The following CNTN4 variants were observed in gnomAD, a reference collection of about 807,000 sequenced individuals.
CNTN4 encodes contactin 4.
CNTN4 carries 77 observed loss-of-function variants against 122.5 expected under a neutral mutation model. That is an observed-to-expected ratio of 0.63 (90% CI 0.52 to 0.76). The LOEUF (loss-of-function observed/expected upper bound fraction) is 0.76. Ranked by LOEUF, CNTN4 falls within the 30% of genes least tolerant of loss-of-function variation. The pLI is 0.00. For missense variants in CNTN4, 1,256 were observed against 1,259.1 expected (o/e 1.00, Z 0.04); for synonymous variants, 512 against 447.0 (o/e 1.15, Z -1.83).
At chr3:2,929,100 T>G (rs1185077128) in intron 13 of CNTN4, among the ~76,000 whole-genome samples, 1 of 152,200 alleles carries the variant, frequency 6.6e-6, no homozygotes, top group Non-Finnish European at 1.5e-5. Context: ...AAGCAGAATA[T>G]CCATAAACAT....
At chr3:2,290,855 C>T (rs938675647) in intron 2 of CNTN4, among the ~76,000 whole-genome samples, 3 of 151,884 alleles carry the variant, frequency 2.0e-5, no homozygotes, top group Admixed American at 6.6e-5. Context: ...ACAGAAACTT[C>T]GGGTCTGAAC....
At chr3:2,334,064 C>A (rs534607908) in intron 2 of CNTN4, among the ~76,000 whole-genome samples, 8 of 152,292 alleles carry the variant, frequency 5.3e-5, no homozygotes, top group African/African-American at 1.4e-4. Context: ...TCTTACCTCT[C>A]ACTTTAGGCT....
intron 14 of CNTN4, among the ~76,000 whole-genome samples, chr3:3,017,875 G>A (rs995704591): frequency 6.6e-6 from 1 of 152,170 alleles, no homozygotes; most frequent in Non-Finnish European, 1.5e-5. Flanking sequence ...TTCAAAAGTA[G>A]CAATAACGGA....
At chr3:2,569,242 C>T (rs2079314079) in intron 3 of CNTN4, among the ~76,000 whole-genome samples, 1 of 152,148 alleles carries the variant, frequency 6.6e-6, no homozygotes. Flanking sequence ...TCTAATGATG[C>T]TTGTTCATTT....
chr3:3,040,908 C>G lies in CNTN4; in HGVS notation c.2398+637C>G, dbSNP rs1184122469. ...CACCACTGCACTCCAGCCTGGGCAA[C>G]AAGAGCAAAACTCCATCTCAAAAAA... On this transcript the variant is annotated intron_variant, in intron 20 of 24. Coordinates refer to ENST00000418658, the MANE Select transcript of CNTN4 (RefSeq NM_175607.3). The G allele has an allele frequency of 3.5e-5, 5 of 144,040 alleles. No individual in the cohort carries two copies. The South Asian group carries it at 1.1e-3, about 32-fold the overall frequency. 8.9% of individuals were successfully genotyped at this position (144,040 alleles called of 1,614,324 possible). A position where few individuals can be genotyped will look rare whatever the true frequency, so the allele number is the denominator to read the frequency against.
chr3:2,670,989 T>C (rs564757139), intron 4 of CNTN4, among the ~76,000 whole-genome samples: 1 of 152,228 alleles, frequency 6.6e-6, no homozygotes, highest in Non-Finnish European at 1.5e-5. Context: ...CTTCCCTTTG[T>C]GGGTAACCCG....
At chr3:2,597,602 C>G (rs1486475717) in intron 4 of CNTN4, among the ~76,000 whole-genome samples, 1 of 152,102 alleles carries the variant, frequency 6.6e-6, no homozygotes, top group Non-Finnish European at 1.5e-5. Context: ...GAATCATCAG[C>G]CTGAAGGCAT....
At chr3:2,330,104 ACCGCCT>A (rs1289418692) in intron 2 of CNTN4, among the ~76,000 whole-genome samples, 2 of 152,094 alleles carry the variant, frequency 1.3e-5, no homozygotes, top group Non-Finnish European at 2.9e-5. Context: ...GATTCCCATG[ACCGCCT>A]CCTTGGGTTC....
rs1435125177 is a variant in CNTN4 at position 2,966,055 on chromosome 3, C to T, written c.1359-22290C>T. On this transcript the variant is annotated intron_variant, in intron 13 of 24. Coordinates refer to ENST00000418658, the MANE Select transcript of CNTN4 (RefSeq NM_175607.3). ...ATTTCCTAAAGGGAAGGGTTATTTC[C>T]AATTCATCTTTATTGACTGAGACAC... 2.6e-5 allele frequency among the ~76,000 whole-genome samples: 4 copies of T among 151,976 alleles called. 1 individual carries two copies. The highest frequency in any genetic ancestry group is 9.7e-5 in the African/African-American group (4 of 41,364).
chr3:2,121,012 T>G (rs1398142996), intron 2 of CNTN4, among the ~76,000 whole-genome samples: 1 of 152,160 alleles, frequency 6.6e-6, no homozygotes, highest in Non-Finnish European at 1.5e-5. Context: ...GGAGGCTTTC[T>G]CTGCATCTGA....
intron 4 of CNTN4, among the ~76,000 whole-genome samples, chr3:2,734,512 G>T (rs1418104696): frequency 1.3e-5 from 2 of 152,116 alleles, no homozygotes; most frequent in Admixed American, 6.5e-5. Flanking sequence ...TCAGTCCATG[G>T]TCTTTCTGAA....
At chr3:2,381,157 C>A (rs1245702027) in intron 3 of CNTN4, among the ~76,000 whole-genome samples, 1 of 152,018 alleles carries the variant, frequency 6.6e-6, no homozygotes, top group East Asian at 1.9e-4. Flanking sequence ...AGGCGCCCGC[C>A]ACCACACCCG....
At chr3:2,632,763 C>T (rs765032247) in intron 4 of CNTN4, among the ~76,000 whole-genome samples, 12 of 152,120 alleles carry the variant, frequency 7.9e-5, no homozygotes, top group Non-Finnish European at 1.5e-4. Flanking sequence ...CATGACACTG[C>T]ACAAGGTATA....
intron 3 of CNTN4, among the ~76,000 whole-genome samples, chr3:2,474,971 A>G (rs1346891322): frequency 6.6e-6 from 1 of 152,166 alleles, no homozygotes; most frequent in Non-Finnish European, 1.5e-5. Flanking sequence ...AATCTTTCAT[A>G]TTTTAAATAG....
At chr3:2,214,814 C>T (rs1339070292) in intron 2 of CNTN4, among the ~76,000 whole-genome samples, 4 of 152,060 alleles carry the variant, frequency 2.6e-5, no homozygotes, top group African/African-American at 7.2e-5. Flanking sequence ...TACTCTTTAG[C>T]ATTGTTAAAT....
intron 3 of CNTN4, among the ~76,000 whole-genome samples, chr3:2,549,750 T>A (rs1024153232): frequency 2.6e-5 from 4 of 152,108 alleles, no homozygotes; most frequent in Admixed American, 6.6e-5. Flanking sequence ...TTTTCTGTTG[T>A]TTGGAATAGT....
At chr3:2,791,363 C>G (rs956203375) in intron 6 of CNTN4, among the ~76,000 whole-genome samples, 2 of 151,944 alleles carry the variant, frequency 1.3e-5, no homozygotes, top group South Asian at 2.1e-4. Flanking sequence ...GAAACCCTGT[C>G]TCTACAAAAA....
At chr3:2,297,198 A>G (rs539369153) in intron 2 of CNTN4, among the ~76,000 whole-genome samples, 1 of 152,310 alleles carries the variant, frequency 6.6e-6, no homozygotes, top group South Asian at 2.1e-4. Flanking sequence ...GATGTGTGGT[A>G]TCAAATAACT....
chr3:2,184,693 T>C (rs549530174), intron 2 of CNTN4, among the ~76,000 whole-genome samples: 1 of 152,106 alleles, frequency 6.6e-6, no homozygotes, highest in African/African-American at 2.4e-5. Context: ...CATCCCTTCA[T>C]GTAAGGACAC....
Sources: gnomAD v4.1 joint callset for allele counts (sites outside exome capture counted in the v4.1 genomes callset) on GRCh38, gnomAD v4.1.1 for gene constraint, MANE v1.5 for transcripts, NCBI Gene and HGNC (gene_info 2026-07-23, HGNC 2026-07-21) for gene names.